The following VOPP1 variants were observed in gnomAD, a reference collection of about 807,000 sequenced individuals.
VOPP1 encodes VOPP1 WW domain binding protein.
In VOPP1, 8 loss-of-function variants were observed where a neutral mutation model predicts 23.5. The ratio of observed to expected loss-of-function variants is 0.34; its 90% confidence interval spans 0.20 to 0.61. The LOEUF (loss-of-function observed/expected upper bound fraction) is 0.61, where lower values mean the gene tolerates loss of function less well. Among genes scored for constraint, VOPP1 ranks in the 20% least tolerant of loss-of-function variants. The pLI is 0.78. For missense variants in VOPP1, 174 were observed against 238.1 expected (o/e 0.73, Z 1.77); for synonymous variants, 83 against 97.3 (o/e 0.85, Z 0.86).
intron 1 of VOPP1, among the ~76,000 whole-genome samples, chr7:55,533,778 A>G (rs1229108137): frequency 1.3e-5 from 2 of 152,194 alleles, no homozygotes; most frequent in Non-Finnish European, 2.9e-5. Flanking sequence ...TCAGTCATCA[A>G]CATAGTGATG....
At chr7:55,499,922 G>A (rs1004306196) in intron 2 of VOPP1, among the ~76,000 whole-genome samples, 17 of 152,168 alleles carry the variant, frequency 1.1e-4, no homozygotes, top group Admixed American at 1.0e-3. Context: ...TCTCACTGGT[G>A]TCGGTTGATC....
Position 55,492,435 on chromosome 7 carries a change from C to T in VOPP1, c.192-17G>A, listed in dbSNP as rs753976684. 12 of 1,597,508 alleles carry T rather than the reference C, an allele frequency of 7.5e-6. No homozygotes were observed. Among genetic ancestry groups the T allele is most frequent in the Non-Finnish European group, 1.0e-5 (12 of 1,169,846 alleles). On this transcript the variant is annotated splice_polypyrimidine_tract_variant and intron_variant, in intron 3 of 4. Coordinates refer to ENST00000285279, the MANE Select transcript of VOPP1 (RefSeq NM_030796.5). ...AGAAGGAACCTGAGGAGAGTACAGA[C>T]GTGAGGGTGGTGCTCCCAGGTGGGG...
chr7:55,473,119 G>T (rs930207297), intron 4 of VOPP1, 74 bp from the exon 5 acceptor site: 16 of 1,536,966 alleles, frequency 1.0e-5, no homozygotes, highest in Admixed American at 4.8e-5. Context: ...CAGGCTGCAG[G>T]GCCAGCAGAC....
At chr7:55,544,389 G>A (rs1238987590) in intron 1 of VOPP1, among the ~76,000 whole-genome samples, 2 of 152,210 alleles carry the variant, frequency 1.3e-5, no homozygotes, top group East Asian at 3.8e-4. Flanking sequence ...GGCTGGTGGG[G>A]GAAGGAGATG....
downstream of VOPP1, among the ~76,000 whole-genome samples, chr7:55,466,849 G>T (rs2129004942): frequency 1.3e-5 from 2 of 152,182 alleles, no homozygotes; most frequent in African/African-American, 4.8e-5. Flanking sequence ...TTAAAATTGG[G>T]TAGTGATGCC....
chr7:55,445,076 T>C (rs538377501), intron 4 of VOPP1, among the ~76,000 whole-genome samples: 12 of 152,196 alleles, frequency 7.9e-5, no homozygotes, highest in Non-Finnish European at 1.5e-4. Flanking sequence ...GTTTATTAGG[T>C]ACATTTTCTA....
At chr7:55,544,872 C>T (rs80008403) in intron 1 of VOPP1, among the ~76,000 whole-genome samples, 1,666 of 152,280 alleles carry the variant, frequency 0.011, 11 homozygotes, top group Middle Eastern at 0.02. Context: ...GTCAGCAAAA[C>T]GTAGTCAAAA....
intron 4 of VOPP1, among the ~76,000 whole-genome samples, chr7:55,451,699 G>A (rs1384052210): frequency 1.3e-5 from 2 of 152,204 alleles, no homozygotes; most frequent in Admixed American, 6.5e-5. Flanking sequence ...GCTGAGGTAG[G>A]AGAATCACTT....
intron 2 of VOPP1, among the ~76,000 whole-genome samples, chr7:55,498,750 TG>T (rs1794160236): frequency 1.3e-5 from 2 of 152,106 alleles, no homozygotes; most frequent in African/African-American, 4.8e-5. Context: ...TGTAGATTAT[TG>T]CAGTACAAAT....
chr7:55,490,084 C>T (rs1043938585), intron 4 of VOPP1, among the ~76,000 whole-genome samples: 4 of 152,012 alleles, frequency 2.6e-5, no homozygotes, highest in South Asian at 4.1e-4. Flanking sequence ...GCTGTGAATG[C>T]GTCCTCAGTC....
Position 55,446,194 on chromosome 7 carries a change from C to T in VOPP1, n.418-10020G>A, listed in dbSNP as rs532086774. Among the ~76,000 whole-genome samples, 33 of 152,168 alleles carry T rather than the reference C, an allele frequency of 2.2e-4. No homozygotes were observed. In the East Asian group the frequency reaches 4.5e-3, roughly 21 times the overall value. ...ATTTTTAGTAGAGACGGGGTTTCAC[C>T]ATGTTAGCCAGGATGGTCTCAATCT... On this transcript the variant is annotated intron_variant and non_coding_transcript_variant, in intron 4 of 4. Coordinates refer to the VOPP1 transcript ENST00000462326.
At chr7:55,513,656 C>T (rs186682183) in intron 2 of VOPP1, among the ~76,000 whole-genome samples, 2 of 152,192 alleles carry the variant, frequency 1.3e-5, no homozygotes, top group Non-Finnish European at 2.9e-5. Flanking sequence ...GACTTAGCAT[C>T]TCCTGGTGTC....
Position 55,541,717 on chromosome 7 carries a change from A to G in VOPP1, c.55-20587T>C, listed in dbSNP as rs116736493. Among the ~76,000 whole-genome samples, 523 of 152,366 alleles carry G rather than the reference A, an allele frequency of 3.4e-3. 3 individuals are homozygous for G. Among genetic ancestry groups the G allele is most frequent in the African/African-American group, 0.011 (473 of 41,578 alleles). On this transcript the variant is annotated intron_variant, in intron 1 of 4. Transcript: ENST00000285279. ...GTGGAGACAATCCAAATGTCCATCA[A>G]CTGCTGAATGGATAACCAAATGTGG... is the stretch of plus-strand genomic sequence containing the variant.
At chr7:55,476,441 C>T (rs10227159) in intron 4 of VOPP1, among the ~76,000 whole-genome samples, 2 of 83,206 alleles carry the variant, frequency 2.4e-5, no homozygotes, top group South Asian at 4.6e-4. Context: ...GGGGGGTGGG[C>T]GGGGGGGCTG....
chr7:55,485,347 T>G (rs1244321413), intron 4 of VOPP1, among the ~76,000 whole-genome samples: 1 of 152,202 alleles, frequency 6.6e-6, no homozygotes, highest in Non-Finnish European at 1.5e-5. Flanking sequence ...TCAAAAGTAT[T>G]TTCCCAAGTC....
chr7:55,529,488 GA>G lies in VOPP1; in HGVS notation c.55-8359del, dbSNP rs567489826. Among the ~76,000 whole-genome samples the G allele has an allele frequency of 1.5e-4, 23 of 151,916 alleles. No homozygotes were observed. In the East Asian group the frequency reaches 4.2e-3, roughly 28 times the overall value. On this transcript the variant is annotated intron_variant, in intron 1 of 4. Coordinates refer to ENST00000285279, the MANE Select transcript of VOPP1 (RefSeq NM_030796.5). ...CATGCCTGCTGAACAAAAGCGTTCT[GA>G]AAACTATGCTATCTTTTAAAACATA...
chr7:55,459,583 C>T (rs79258855), intron 4 of VOPP1, among the ~76,000 whole-genome samples: 2,247 of 152,208 alleles, frequency 0.015, 60 homozygotes, highest in African/African-American at 0.05. Flanking sequence ...TCTATTTCTT[C>T]CAGGTTCAAT....
In VOPP1 at chr7:55,460,460, T is replaced by C. The variant is rs112288183; in HGVS notation, n.418-24286A>G. Among the ~76,000 whole-genome samples, 1,423 of 152,338 alleles carry C rather than the reference T, an allele frequency of 9.3e-3. 20 individuals are homozygous for C. Among genetic ancestry groups the C allele is most frequent in the South Asian group, 0.037 (177 of 4,828 alleles). ...AATCCAATGTTTCTATGTTGATTCT[T>C]CCGTCTAGGTGATCTGTTAAAAATG... On this transcript the variant is annotated intron_variant and non_coding_transcript_variant, in intron 4 of 4. Coordinates refer to the VOPP1 transcript ENST00000462326.
At chr7:55,497,741 G>A (rs1024063186) in intron 2 of VOPP1, 51 bp from the exon 3 acceptor site, 2 of 1,536,174 alleles carry the variant, frequency 1.3e-6, no homozygotes, top group African/African-American at 1.4e-5. Context: ...GCAGCCACCG[G>A]ACCAGCCATG....
Sources: allele counts gnomAD v4.1 joint callset (sites outside exome capture counted in the v4.1 genomes callset), GRCh38; gene constraint gnomAD v4.1.1; transcripts MANE v1.5; gene names NCBI Gene and HGNC (gene_info 2026-07-23, HGNC 2026-07-21).